The following SLCO1C1 variants were observed in gnomAD, a reference collection of about 807,000 sequenced individuals.
SLCO1C1 encodes OAT-RP-5.
A neutral mutation model predicts 76.4 loss-of-function variants in SLCO1C1; 70 were observed. The ratio of observed to expected loss-of-function variants is 0.92; its 90% confidence interval spans 0.76 to 1.12. The LOEUF is 1.12. Among genes scored for constraint, SLCO1C1 ranks in the 50% most tolerant of loss-of-function variants. The pLI is 0.00. For synonymous variants in SLCO1C1, 306 were observed against 286.1 expected (o/e 1.07, Z -0.70); for missense variants, 912 against 823.8 (o/e 1.11, Z -1.31).
rs1180000949 is a variant in SLCO1C1 at position 20,715,493 on chromosome 12, C to T, written c.676+208C>T. 3.3e-5 allele frequency among the ~76,000 whole-genome samples: 5 copies of T among 152,148 alleles called. No individual in the cohort carries two copies. The South Asian group carries it at 1.0e-3, about 31-fold the overall frequency. On this transcript the variant is annotated intron_variant, in intron 6 of 14. Coordinates refer to ENST00000266509, the MANE Select transcript of SLCO1C1 (RefSeq NM_017435.5). ...GGGATCTATTGCATTAGAAAAGGAA[C>T]ATCAGATTAAAAGAAAATAACTGCG...
At chr12:20,746,235 T>C (rs1949037335) in intron 13 of SLCO1C1, among the ~76,000 whole-genome samples, 1 of 152,116 alleles carries the variant, frequency 6.6e-6, no homozygotes, top group East Asian at 1.9e-4. Context: ...GTAACAATAA[T>C]GGCTGCAGTT....
chr12:20,732,273 G>A (rs1217182303), intron 9 of SLCO1C1, among the ~76,000 whole-genome samples: 1 of 152,186 alleles, frequency 6.6e-6, no homozygotes. Context: ...AATCTGGTTT[G>A]CCCACTTACT....
At chr12:20,697,147 C>G (rs1353169971) in intron 1 of SLCO1C1, 2 of 151,528 alleles carry the variant, frequency 1.3e-5, no homozygotes, top group Non-Finnish European at 2.9e-5. Flanking sequence ...CACTTTGGAT[C>G]TTTTAAAGAT....
chr12:20,715,369 G>A, intron 6 of SLCO1C1, 84 bp downstream of exon 6: 1 of 1,491,916 alleles, frequency 6.7e-7, no homozygotes, highest in Non-Finnish European at 9.1e-7. Context: ...TAAATTAAGT[G>A]GGGAAGCTTT....
intron 7 of SLCO1C1, among the ~76,000 whole-genome samples, chr12:20,717,535 T>A (rs1207032809): frequency 2.0e-5 from 3 of 151,830 alleles, no homozygotes; most frequent in African/African-American, 7.2e-5. Context: ...TTGTTGGCTC[T>A]TATTGGCTTC....
chr12:20,716,705 G>A (rs983911359), intron 6 of SLCO1C1, among the ~76,000 whole-genome samples: 1 of 151,996 alleles, frequency 6.6e-6, no homozygotes, highest in African/African-American at 2.4e-5. Flanking sequence ...TGAAATGAAT[G>A]GACACACTTT....
chr12:20,724,537 T>A (rs1052072273), intron 9 of SLCO1C1, among the ~76,000 whole-genome samples: 3 of 146,718 alleles, frequency 2.0e-5, no homozygotes, highest in Non-Finnish European at 3.0e-5. Context: ...TTAACTCTCC[T>A]ATCAGTCAAA....
At chr12:20,704,290 T>C (rs1946673560) in intron 3 of SLCO1C1, among the ~76,000 whole-genome samples, 1 of 151,210 alleles carries the variant, frequency 6.6e-6, no homozygotes, top group Admixed American at 6.6e-5. Context: ...TATTGTCTTG[T>C]ATATGACATG....
intron 9 of SLCO1C1, 73 bp downstream of exon 9, chr12:20,723,327 G>A (rs545374309): frequency 4.0e-4 from 604 of 1,515,708 alleles, no homozygotes; most frequent in Non-Finnish European, 4.9e-4. Flanking sequence ...GGGAATCTTC[G>A]AGAAGATTCT....
chr12:20,742,129 G>C (rs1948842508), intron 12 of SLCO1C1, among the ~76,000 whole-genome samples: 1 of 152,126 alleles, frequency 6.6e-6, no homozygotes, highest in African/African-American at 2.4e-5. Flanking sequence ...TTTACAAATG[G>C]CAGCCTGAGT....
chr12:20,702,972 G>A (rs1041795790), intron 3 of SLCO1C1, among the ~76,000 whole-genome samples: 2 of 151,830 alleles, frequency 1.3e-5, no homozygotes, highest in Non-Finnish European at 2.9e-5. Flanking sequence ...GATAGAGAGA[G>A]TATACTAAGT....
At chr12:20,711,326 A>G (rs1947087038) in intron 4 of SLCO1C1, 60 bp from the exon 5 acceptor site, 1 of 1,570,976 alleles carries the variant, frequency 6.4e-7, no homozygotes, top group Non-Finnish European at 8.7e-7. Context: ...TAGCATACAC[A>G]TAATATTCTT....
chr12:20,696,821 C>CT (rs2120574706), intron 1 of SLCO1C1: 1 of 152,236 alleles, frequency 6.6e-6, no homozygotes, highest in Non-Finnish European at 1.5e-5. Flanking sequence ...CCTTCCCTCT[C>CT]TTTTTACAGG....
chr12:20,713,132 T>G lies in SLCO1C1; in HGVS notation c.529+1622T>G, dbSNP rs1435234677. ...TCTCGCTCTGTCGCCCAGGCTGGAG[T>G]GCAGTGGCGCGATCTCGGCTCACTG... On this transcript the variant is annotated intron_variant, in intron 5 of 14. Coordinates refer to ENST00000266509, the MANE Select transcript of SLCO1C1 (RefSeq NM_017435.5). Among the ~76,000 whole-genome samples the G allele has an allele frequency of 2.0e-5, 3 of 147,480 alleles. No homozygotes were observed. The East Asian group carries it at 6.0e-4, about 30-fold the overall frequency.
At chr12:20,719,674 C>T (rs1293510257) in intron 7 of SLCO1C1, among the ~76,000 whole-genome samples, 4 of 152,120 alleles carry the variant, frequency 2.6e-5, no homozygotes, top group Non-Finnish European at 5.9e-5. Flanking sequence ...CAAGGCCTAA[C>T]CCTCATTAAT....
intron 4 of SLCO1C1, among the ~76,000 whole-genome samples, chr12:20,708,536 G>A (rs1050780906): frequency 2.0e-5 from 3 of 152,102 alleles, no homozygotes; most frequent in Non-Finnish European, 2.9e-5. Context: ...GGTAGTCAAC[G>A]TATGGCTCAC....
At chr12:20,718,606 T>C (rs974131001) in intron 7 of SLCO1C1, among the ~76,000 whole-genome samples, 3 of 152,080 alleles carry the variant, frequency 2.0e-5, no homozygotes, top group African/African-American at 7.2e-5. Context: ...TAATGAGAGG[T>C]TTCCAACGGG....
At chr12:20,705,629 A>C (rs1174102628) in intron 3 of SLCO1C1, among the ~76,000 whole-genome samples, 1 of 152,086 alleles carries the variant, frequency 6.6e-6, no homozygotes, top group East Asian at 1.9e-4. Context: ...TTTACTAAAA[A>C]ATATTTGAGA....
chr12:20,725,004 CAT>C lies in SLCO1C1; in HGVS notation c.1186+1755_1186+1756del, dbSNP rs913593620. On this transcript the variant is annotated intron_variant, in intron 9 of 14. Transcript: ENST00000266509. ...TAGTATAAATAATTACATTATAAAACATATATTTAAAATATCTAACATATATT... is the reference window on the plus strand; with the variant it reads ...TAGTATAAATAATTACATTATAAAACATATTTAAAATATCTAACATATATT... Among the ~76,000 whole-genome samples the C allele has an allele frequency of 2.6e-3, 358 of 139,744 alleles. 3 individuals carry two copies. The highest frequency in any genetic ancestry group is 8.8e-3 in the African/African-American group (339 of 38,438). 91.7% of individuals were successfully genotyped at this position (139,744 alleles called of 152,430 possible).
Sources: gnomAD v4.1 joint callset for allele counts (sites outside exome capture counted in the v4.1 genomes callset) on GRCh38, gnomAD v4.1.1 for gene constraint, MANE v1.5 for transcripts, NCBI Gene and HGNC (gene_info 2026-07-23, HGNC 2026-07-21) for gene names.